IMMT: variants seen among roughly 807,000 people sequenced by gnomAD.
IMMT encodes the protein inner membrane mitochondrial protein, also known as MICOS complex subunit MIC60.
In IMMT, 40 loss-of-function variants were observed where a neutral mutation model predicts 92.7. The observed-to-expected ratio is 0.43, with a 90% CI of 0.34 to 0.56. IMMT has a LOEUF of 0.56. Ranked by LOEUF, IMMT falls within the 20% of genes least tolerant of loss-of-function variation. IMMT has a pLI of 0.03. For missense variants in IMMT, 831 were observed against 912.1 expected (o/e 0.91, Z 1.14); for synonymous variants, 322 against 336.1 (o/e 0.96, Z 0.46).
chr2:86,151,152 A>G (rs745863005), intron 12 of IMMT, 145 bp downstream of exon 12: 2 of 681,886 alleles, frequency 2.9e-6, no homozygotes, highest in Non-Finnish European at 5.1e-6. Flanking sequence ...TCCTGACCAC[A>G]AGGGATCCAC....
At chr2:86,159,848 G>A in intron 8 of IMMT, 177 bp from the exon 9 acceptor site, 1 of 409,926 alleles carries the variant, frequency 2.4e-6, no homozygotes, top group Non-Finnish European at 4.2e-6. Flanking sequence ...GAGCCCAGGA[G>A]TTCAAGACCA....
At chr2:86,180,700 A>G (rs1372524857) in intron 2 of IMMT, among the ~76,000 whole-genome samples, 1 of 151,392 alleles carries the variant, frequency 6.6e-6, no homozygotes, top group Non-Finnish European at 1.5e-5. Flanking sequence ...CAGCCTGGCC[A>G]ACATGGTGAA....
Position 86,151,511 on chromosome 2 carries a change from A to G in IMMT, c.1187T>C (p.Leu396Pro), listed in dbSNP as rs1247568621. The change falls in exon 12 of 15, where the codon CTC (leucine) becomes CCC (proline). Residue 396 changes from leucine (L) to proline (P), a missense_variant. Transcript: ENST00000410111. ...GAGGGAGTTCAGATCATCAGTAGAG[A>G]GCTTGTCAGCTAAGCAAAAGAGCAT... ...GMSVSDLADKLSTDDLNSLIA... is the reference protein window; with the variant it reads ...GMSVSDLADKPSTDDLNSLIA... 1 of 1,612,182 alleles carries G rather than the reference A, an allele frequency of 6.2e-7. No homozygotes were observed. The highest frequency in any genetic ancestry group is 8.5e-7 in the Non-Finnish European group (1 of 1,178,232).
intron 1 of IMMT, 90 bp from the exon 2 acceptor site, chr2:86,181,462 A>G: frequency 1.2e-6 from 1 of 839,536 alleles, no homozygotes; most frequent in Non-Finnish European, 1.9e-6. Context: ...ACTTTTATTA[A>G]AAATGTCTTC....
intron 6 of IMMT, among the ~76,000 whole-genome samples, chr2:86,168,745 G>A (rs543657265): frequency 6.6e-6 from 1 of 152,316 alleles, no homozygotes; most frequent in African/African-American, 2.4e-5. Context: ...AATGGAATCT[G>A]AGGAACTACA....
chr2:86,152,824 T>C (rs375585159), intron 11 of IMMT, among the ~76,000 whole-genome samples: 12 of 152,200 alleles, frequency 7.9e-5, no homozygotes, highest in African/African-American at 2.6e-4. Context: ...TGAAGAATTA[T>C]GGCTCCAACA....
chr2:86,191,263 T>A (rs1488494453), intron 1 of IMMT, among the ~76,000 whole-genome samples: 1 of 149,842 alleles, frequency 6.7e-6, no homozygotes, highest in East Asian at 2.0e-4. Context: ...GAGGATGGCT[T>A]GAGTCTGGTG....
At chr2:86,145,888 A>G (rs1279363920) in intron 14 of IMMT, among the ~76,000 whole-genome samples, 180 bp downstream of exon 14, 2 of 152,226 alleles carry the variant, frequency 1.3e-5, no homozygotes, top group African/African-American at 2.4e-5. Context: ...CATACAAGGT[A>G]TAAATTTCTA....
At chr2:86,156,291 T>A (rs1675850306) in intron 10 of IMMT, among the ~76,000 whole-genome samples, 1 of 152,100 alleles carries the variant, frequency 6.6e-6, no homozygotes, top group African/African-American at 2.4e-5. Context: ...GTTTAACATT[T>A]TCATGTTTTA....
chr2:86,179,749 G>C, intron 2 of IMMT, 127 bp from the exon 3 acceptor site: 1 of 653,904 alleles, frequency 1.5e-6, no homozygotes, highest in East Asian at 3.2e-5. Flanking sequence ...GATCATAGCA[G>C]CCAAGTTTAC....
intron 1 of IMMT, among the ~76,000 whole-genome samples, chr2:86,187,200 G>A (rs77052518): frequency 0.036 from 5,511 of 152,168 alleles, 127 homozygotes; most frequent in East Asian, 0.1. Flanking sequence ...CCATTAAGCA[G>A]TCATCCCCCA....
chr2:86,169,453 C>T (rs936189523), intron 6 of IMMT, among the ~76,000 whole-genome samples: 3 of 152,092 alleles, frequency 2.0e-5, no homozygotes, highest in African/African-American at 7.2e-5. Flanking sequence ...CTATGCTATT[C>T]TAAGAAACTT....
Position 86,159,632 on chromosome 2 carries a change from T to A in IMMT, c.936A>T (p.Ala312=). The A allele has an allele frequency of 6.3e-7, 1 of 1,579,558 alleles. No individual in the cohort carries two copies. The highest frequency in any genetic ancestry group is 1.2e-5 in the South Asian group (1 of 84,562). ...TGGCCCCAGCAACCTCTTTTTTCTT[T>A]GCATTTTCAATCACACTTTTCATCT... ...LEKMKSVIEN[A]KKKEVAGAKP... The change falls in exon 9 of 15, where the codon GCA becomes GCT. Residue 312 remains alanine, a synonymous_variant. Coordinates refer to ENST00000410111, the MANE Select transcript of IMMT (RefSeq NM_006839.3).
At chr2:86,168,290 A>G (rs1676855672) in intron 6 of IMMT, among the ~76,000 whole-genome samples, 3 of 152,188 alleles carry the variant, frequency 2.0e-5, no homozygotes, top group Non-Finnish European at 4.4e-5. Context: ...GCAAAAATAA[A>G]TGGTCATTTG....
At chr2:86,183,146 T>C (rs191888802) in intron 1 of IMMT, among the ~76,000 whole-genome samples, 235 of 152,208 alleles carry the variant, frequency 1.5e-3, no homozygotes, top group African/African-American at 5.5e-3. Flanking sequence ...TAGGTATAAA[T>C]AGGTATTCAG....
chr2:86,187,805 G>C (rs974564513), intron 1 of IMMT, among the ~76,000 whole-genome samples: 1 of 151,656 alleles, frequency 6.6e-6, no homozygotes, highest in African/African-American at 2.4e-5. Context: ...CCAGCTACTC[G>C]GGAGGCTGAA....
At chr2:86,156,228 C>T (rs902454415) in intron 10 of IMMT, among the ~76,000 whole-genome samples, 4 of 152,134 alleles carry the variant, frequency 2.6e-5, no homozygotes, top group South Asian at 2.1e-4. Flanking sequence ...AAATGTCTCC[C>T]GGTGTTGCCA....
intron 13 of IMMT, 138 bp downstream of exon 13, chr2:86,147,564 A>G (rs1675114154): frequency 1.5e-6 from 1 of 675,142 alleles, no homozygotes; most frequent in African/African-American, 1.8e-5. Context: ...GTACACCATT[A>G]TGTAAAAAGA....
At chr2:86,188,428 T>C (rs1672920657) in intron 1 of IMMT, among the ~76,000 whole-genome samples, 1 of 151,800 alleles carries the variant, frequency 6.6e-6, no homozygotes, top group African/African-American at 2.4e-5. Flanking sequence ...CAAATACATA[T>C]ATGTATATAT....
Sources: gnomAD v4.1 joint callset for allele counts (sites outside exome capture counted in the v4.1 genomes callset) on GRCh38, gnomAD v4.1.1 for gene constraint, MANE v1.5 for transcripts, NCBI Gene and HGNC (gene_info 2026-07-23, HGNC 2026-07-21) for gene names.